The following SCGB2B2 variants were observed in gnomAD, a reference collection of about 807,000 sequenced individuals.
SCGB2B2 encodes the protein secretoglobin-like protein.
A neutral mutation model predicts 7.6 loss-of-function variants in SCGB2B2; 11 were observed. The observed-to-expected ratio is 1.45, with a 90% CI of 0.91 to 2.40. The LOEUF is 2.40. Ranked by LOEUF, SCGB2B2 falls within the 30% of genes most tolerant of loss-of-function variation. The probability of loss-of-function intolerance (pLI) is 0.00; values close to 1 mark genes in which losing one functional copy is unlikely to be tolerated. For synonymous variants in SCGB2B2, 50 were observed against 48.6 expected, an observed-to-expected ratio of 1.03 and a Z score of -0.12; for missense variants, 104 against 115.4, an observed-to-expected ratio of 0.90 and a Z score of 0.45.
At chr19:34,587,840 T>C (rs1008828548), downstream of SCGB2B2, among the ~76,000 whole-genome samples, 13 of 152,224 alleles carry the variant, frequency 8.5e-5, no homozygotes, top group African/African-American at 2.9e-4. Flanking sequence ...TTTGTGGATC[T>C]GTGTGTCAGG....
chr19:34,656,375 G>T (rs538645743), intron 1 of SCGB2B2, among the ~76,000 whole-genome samples: 1 of 151,462 alleles, frequency 6.6e-6, no homozygotes, highest in South Asian at 2.1e-4. Flanking sequence ...AGGCCGAGGT[G>T]GGCAGATCAC....
At chr19:34,653,844 A>T (rs993175462) in intron 1 of SCGB2B2, among the ~76,000 whole-genome samples, 5 of 151,118 alleles carry the variant, frequency 3.3e-5, no homozygotes, top group Non-Finnish European at 7.4e-5. Context: ...ATATATAAAA[A>T]CCCACTGCTA....
chr19:34,641,944 C>A (rs1003028376), intron 1 of SCGB2B2, among the ~76,000 whole-genome samples: 4 of 152,132 alleles, frequency 2.6e-5, no homozygotes, highest in Non-Finnish European at 1.5e-5. Context: ...TTCTAAAAAT[C>A]AATCTTCCTC....
intron 1 of SCGB2B2, among the ~76,000 whole-genome samples, chr19:34,673,738 G>A (rs2067856171): frequency 6.6e-6 from 1 of 152,154 alleles, no homozygotes; most frequent in Non-Finnish European, 1.5e-5. Flanking sequence ...ATTGTTACGG[G>A]TATTGGGACA....
intron 1 of SCGB2B2, among the ~76,000 whole-genome samples, chr19:34,668,973 A>G (rs1485826268): frequency 1.3e-5 from 2 of 152,068 alleles, no homozygotes; most frequent in African/African-American, 2.4e-5. Context: ...CCCCTTCCAC[A>G]CTGTGGAAGC....
At chr19:34,601,387 A>G (rs1333655824) in intron 1 of SCGB2B2, among the ~76,000 whole-genome samples, 3 of 152,190 alleles carry the variant, frequency 2.0e-5, no homozygotes, top group Non-Finnish European at 4.4e-5. Context: ...ATTCCCATAT[A>G]AGTTTAGAAA....
intron 1 of SCGB2B2, chr19:34,645,736 G>A (rs1213548346): frequency 7.7e-6 from 3 of 387,904 alleles, no homozygotes; most frequent in South Asian, 2.3e-5. Flanking sequence ...AGAAAGAAGC[G>A]GGCAGGGCTG....
chr19:34,586,288 TAACA>T (rs1855595453), downstream of SCGB2B2, among the ~76,000 whole-genome samples: 1 of 152,250 alleles, frequency 6.6e-6, no homozygotes, highest in Non-Finnish European at 1.5e-5. Context: ...AATTGACATA[TAACA>T]AATATGTATA....
In SCGB2B2 at chr19:34,596,453, T is replaced by G. The variant is rs865901644; in HGVS notation, c.-1890A>C. ...GGTGCACGTGTGTGAGAATGGGATT[T>G]TGTGTGTGTGTGAGTGGAATGCGCT... On this transcript the variant is annotated 5_prime_UTR_variant, in exon 2 of 4. Transcript: ENST00000601241. 13 of 152,714 alleles carry G rather than the reference T, an allele frequency of 8.5e-5. No individual in the cohort carries two copies. Among genetic ancestry groups the G allele is most frequent in the Non-Finnish European group, 1.3e-4 (9 of 68,212 alleles). The allele number at this position is 152,714 out of a possible 1,614,324, so 9.5% of individuals were successfully genotyped here.
At chr19:34,648,303 T>C (rs970993386) in intron 1 of SCGB2B2, among the ~76,000 whole-genome samples, 9 of 152,226 alleles carry the variant, frequency 5.9e-5, no homozygotes, top group African/African-American at 2.2e-4. Context: ...TCTCATGTTA[T>C]TTAATTCAGA....
rs370537375 is a variant in SCGB2B2 at position 34,600,232 on chromosome 19, G to C, written c.-2031-3638C>G. Among the ~76,000 whole-genome samples, 28 of 152,192 alleles carry C rather than the reference G, an allele frequency of 1.8e-4. No individual in the cohort carries two copies. The East Asian group carries it at 2.7e-3, about 15-fold the overall frequency. On this transcript the variant is annotated intron_variant, in intron 1 of 3. Coordinates refer to ENST00000601241, the MANE Select transcript of SCGB2B2 (RefSeq NM_001025591.4). ...ATATGGCTGGGATCGTAATGTGTCT[G>C]TTCTCCCGTATCTTACTTTTTTGTT... is the stretch of plus-strand genomic sequence containing the variant.
rs1211434936 is a variant in SCGB2B2 at position 34,594,284 on chromosome 19, T to C, written c.137A>G (p.Glu46Gly). 3 of 1,613,810 alleles carry C rather than the reference T, an allele frequency of 1.9e-6. No individual in the cohort carries two copies. The highest frequency in any genetic ancestry group is 2.5e-6 in the Non-Finnish European group (3 of 1,179,880). Residue 46 changes from glutamate (E) to glycine (G), a missense_variant, in exon 3 of 4, where the codon GAG (glutamate) becomes GGG (glycine). Physicochemically the swap from Glu to Gly is moderately conservative, Grantham distance 98. Transcript: ENST00000601241. ...FDVSQDLLKEELARYNPSPLT... is the reference protein window; with the variant it reads ...FDVSQDLLKEGLARYNPSPLT... The stretch of plus-strand genomic sequence containing the variant: ...GGGACTGGGGTTGTAACGAGCAAGC[T>C]CCTCCTTCAGGAGGTCTTGGGACAC...
intron 1 of SCGB2B2, among the ~76,000 whole-genome samples, chr19:34,669,213 CCCA>C (rs956556972): frequency 9.8e-4 from 149 of 152,264 alleles, no homozygotes; most frequent in African/African-American, 3.3e-3. Context: ...AGACCAAGAA[CCCA>C]CCAATTCCAG....
At chr19:34,650,883 T>C (rs1358529408) in intron 1 of SCGB2B2, among the ~76,000 whole-genome samples, 1 of 151,278 alleles carries the variant, frequency 6.6e-6, no homozygotes, top group Non-Finnish European at 1.5e-5. Flanking sequence ...AATTCAGCAG[T>C]ACATTAAAGT....
At chr19:34,613,017 A>G (rs1388645985) in intron 1 of SCGB2B2, among the ~76,000 whole-genome samples, 1 of 151,824 alleles carries the variant, frequency 6.6e-6, no homozygotes, top group East Asian at 1.9e-4. Context: ...TAAAATCTAC[A>G]TTATCAGATA....
chr19:34,673,154 C>CAGAA (rs1193906967), intron 1 of SCGB2B2, among the ~76,000 whole-genome samples: 16 of 152,160 alleles, frequency 1.1e-4, no homozygotes, highest in Non-Finnish European at 2.2e-4. Flanking sequence ...AGGAAAGGGA[C>CAGAA]AGAAGGCAGC....
chr19:34,594,304 G>A lies in SCGB2B2; in HGVS notation c.117C>T (p.Ser39=). ...CAAGCTCCTCCTTCAGGAGGTCTTG[G>A]GACACATCAAACACAACATTCGCAA... ...KLLANVVFDV[S]QDLLKEELAR... Residue 39 remains serine (S), a synonymous_variant, in exon 3 of 4, where the codon TCC becomes TCT. Coordinates refer to ENST00000601241, the MANE Select transcript of SCGB2B2 (RefSeq NM_001025591.4). 6.2e-7 allele frequency: 1 copy of A among 1,614,084 alleles called. No individual in the cohort carries two copies. The highest frequency in any genetic ancestry group is 8.5e-7 in the Non-Finnish European group (1 of 1,180,012).
At chr19:34,658,274 CA>C (rs565435544) in intron 1 of SCGB2B2, among the ~76,000 whole-genome samples, 1 of 151,672 alleles carries the variant, frequency 6.6e-6, no homozygotes, top group African/African-American at 2.4e-5. Context: ...GATAGAGATA[CA>C]AAAAAACCCT....
At chr19:34,627,919 G>C (rs1167132594) in intron 1 of SCGB2B2, among the ~76,000 whole-genome samples, 3 of 152,104 alleles carry the variant, frequency 2.0e-5, no homozygotes, top group East Asian at 3.8e-4. Context: ...ATAACAAACT[G>C]TCTCTCAGAC....
Sources: allele counts gnomAD v4.1 joint callset (sites outside exome capture counted in the v4.1 genomes callset), GRCh38; gene constraint gnomAD v4.1.1; transcripts MANE v1.5; gene names NCBI Gene and HGNC (gene_info 2026-07-23, HGNC 2026-07-21).